ANKH: variants seen among roughly 807,000 people sequenced by gnomAD.
The protein encoded by ANKH is ANKH inorganic pyrophosphate transport regulator, also known as mineralization regulator ANKH.
In ANKH, 15 loss-of-function variants were observed where a neutral mutation model predicts 49.0. That is an observed-to-expected ratio of 0.31 (90% CI 0.20 to 0.47). ANKH has a LOEUF of 0.47. ANKH is among the 20% of genes least tolerant of loss of function. The pLI is 1.00. For synonymous variants in ANKH, 273 were observed against 260.0 expected (o/e 1.05, Z -0.48); for missense variants, 429 against 652.0 (o/e 0.66, Z 3.72).
chr5:14,857,948 G>A (rs929297915), intron 1 of ANKH, among the ~76,000 whole-genome samples: 3 of 152,054 alleles, frequency 2.0e-5, no homozygotes, highest in Non-Finnish European at 2.9e-5. Flanking sequence ...CATTGTGACC[G>A]GTAATATTAA....
At chr5:14,827,227 A>C (rs1227283181) in intron 1 of ANKH, among the ~76,000 whole-genome samples, 1 of 152,206 alleles carries the variant, frequency 6.6e-6, no homozygotes, top group African/African-American at 2.4e-5. Flanking sequence ...ACCAAGGGCC[A>C]CTGCTCTAAG....
intron 1 of ANKH, among the ~76,000 whole-genome samples, chr5:14,771,764 T>C (rs924884418): frequency 6.6e-6 from 1 of 151,242 alleles, no homozygotes; most frequent in African/African-American, 2.4e-5. Context: ...CTACTAAAAA[T>C]ACAAAAATTA....
At chr5:14,721,617 A>T (rs1737661682) in intron 8 of ANKH, among the ~76,000 whole-genome samples, 1 of 152,224 alleles carries the variant, frequency 6.6e-6, no homozygotes, top group Admixed American at 6.5e-5. Flanking sequence ...TAACTTAGAA[A>T]GGAATACATT....
intron 1 of ANKH, among the ~76,000 whole-genome samples, chr5:14,868,165 T>C (rs1421917621): frequency 6.6e-6 from 1 of 152,226 alleles, no homozygotes; most frequent in Non-Finnish European, 1.5e-5. Flanking sequence ...GTAATTCCTT[T>C]ACATGGTCAC....
intron 1 of ANKH, among the ~76,000 whole-genome samples, chr5:14,805,058 G>T (rs1740664822): frequency 6.6e-6 from 1 of 152,174 alleles, no homozygotes; most frequent in African/African-American, 2.4e-5. Flanking sequence ...TGATGTGTCT[G>T]CGAGGGTGTT....
At chr5:14,729,324 A>G (rs1343816700) in intron 8 of ANKH, among the ~76,000 whole-genome samples, 1 of 151,698 alleles carries the variant, frequency 6.6e-6, no homozygotes, top group Admixed American at 6.6e-5. Flanking sequence ...AAGTGCTGGG[A>G]TTACAGCTGT....
chr5:14,803,593 T>A (rs1007990363), intron 1 of ANKH, among the ~76,000 whole-genome samples: 11 of 152,120 alleles, frequency 7.2e-5, no homozygotes, highest in Non-Finnish European at 1.6e-4. Context: ...ATCTCTTTTT[T>A]AATTTTTATT....
At chr5:14,796,479 A>C (rs564522272) in intron 1 of ANKH, among the ~76,000 whole-genome samples, 3,309 of 149,030 alleles carry the variant, frequency 0.022, 96 homozygotes, top group African/African-American at 0.069. Context: ...ACACCAACAA[A>C]AAAAAAAAAA....
At chr5:14,719,727 G>A (rs1737603123) in intron 8 of ANKH, among the ~76,000 whole-genome samples, 1 of 152,202 alleles carries the variant, frequency 6.6e-6, no homozygotes, top group Non-Finnish European at 1.5e-5. Flanking sequence ...TCCATCAAGA[G>A]TTGGGGGTGC....
chr5:14,856,532 C>A (rs1372541987), intron 1 of ANKH, among the ~76,000 whole-genome samples: 1 of 151,904 alleles, frequency 6.6e-6, no homozygotes, highest in East Asian at 2.0e-4. Context: ...TCCACCATGC[C>A]GTGATCAGCT....
At position 14,770,445 on chromosome 5, in the gene ANKH, T is replaced by A. The variant is rs1409462621; in HGVS notation, c.97-1254A>T. Among the ~76,000 whole-genome samples, 2 of 152,196 alleles carry A rather than the reference T, an allele frequency of 1.3e-5. No individual in the cohort carries two copies. Among genetic ancestry groups the A allele is most frequent in the East Asian group, 3.9e-4 (2 of 5,194 alleles). On this transcript the variant is annotated intron_variant, in intron 1 of 11. Coordinates refer to ENST00000284268, the MANE Select transcript of ANKH (RefSeq NM_054027.6). This position sits in a 1 kb window ranked among gnomAD's most constrained non-coding sequence, Gnocchi z 4.1. ...TATATACTATGTTTTTTCCTATATA[T>A]ACATACCTATGAGAAAGTTTAATTT...
At position 14,733,167 on chromosome 5, in the gene ANKH, T is replaced by C. The variant is rs572650224; in HGVS notation, c.1011+8660A>G. On this transcript the variant is annotated intron_variant, in intron 8 of 11. Coordinates refer to ENST00000284268, the MANE Select transcript of ANKH (RefSeq NM_054027.6). ...TGAAAACTGTCTGGCACCGGATTCA[T>C]AGTGAGCAGGTTTCGAGGCACTGTT... Among the ~76,000 whole-genome samples, 28 of 152,328 alleles carry C rather than the reference T, an allele frequency of 1.8e-4. 1 individual carries two copies. In the South Asian group the frequency reaches 5.2e-3, roughly 28 times the overall value.
chr5:14,806,796 A>T (rs1306554694), intron 1 of ANKH, among the ~76,000 whole-genome samples: 1 of 152,204 alleles, frequency 6.6e-6, no homozygotes, highest in Admixed American at 6.5e-5. Context: ...AGACACAATG[A>T]ATCTCTGAAC....
At chr5:14,820,629 T>C (rs1741172506) in intron 1 of ANKH, among the ~76,000 whole-genome samples, 1 of 152,152 alleles carries the variant, frequency 6.6e-6, no homozygotes, top group Non-Finnish European at 1.5e-5. Flanking sequence ...TGATCAATAT[T>C]AAGGGTGATC....
chr5:14,718,228 A>T (rs2126419230), intron 8 of ANKH, among the ~76,000 whole-genome samples: 1 of 152,158 alleles, frequency 6.6e-6, no homozygotes, highest in Non-Finnish European at 1.5e-5. Context: ...TAGTCTCCAG[A>T]TAAGGTAAAA....
At chr5:14,729,925 G>A (rs1210124869) in intron 8 of ANKH, among the ~76,000 whole-genome samples, 3 of 152,120 alleles carry the variant, frequency 2.0e-5, no homozygotes, top group African/African-American at 4.8e-5. Flanking sequence ...GCGGCCTGAA[G>A]TTCTGAAGCT....
At chr5:14,845,843 CTT>C (rs59264153) in intron 1 of ANKH, among the ~76,000 whole-genome samples, 96 of 82,548 alleles carry the variant, frequency 1.2e-3, no homozygotes, top group African/African-American at 4.5e-3. Flanking sequence ...CCTATGCACA[CTT>C]TTTTTTTTTT....
chr5:14,867,274 G>T (rs1372668243), intron 1 of ANKH, among the ~76,000 whole-genome samples: 1 of 152,024 alleles, frequency 6.6e-6, no homozygotes, highest in African/African-American at 2.4e-5. Flanking sequence ...GGTGGGTATG[G>T]GCTTGAACCT....
At chr5:14,865,477 G>A (rs1289776910) in intron 1 of ANKH, among the ~76,000 whole-genome samples, 1 of 152,082 alleles carries the variant, frequency 6.6e-6, no homozygotes, top group Non-Finnish European at 1.5e-5. Flanking sequence ...TAGACTGGAG[G>A]GGGAAAGTCT....
Sources: allele counts gnomAD v4.1 joint callset (sites outside exome capture counted in the v4.1 genomes callset), GRCh38; gene constraint gnomAD v4.1.1; non-coding constraint Gnocchi (gnomAD v3.1); transcripts MANE v1.5; gene names NCBI Gene and HGNC (gene_info 2026-07-23, HGNC 2026-07-21).